Variants in COL11A1 observed in about 807,000 individuals in gnomAD.
The protein encoded by COL11A1 is collagen alpha-1(XI) chain.
Under a neutral mutation model 265.2 loss-of-function variants are expected in COL11A1, and 74 were observed. The ratio of observed to expected loss-of-function variants is 0.28; its 90% CI spans 0.23 to 0.34. The LOEUF (loss-of-function observed/expected upper bound fraction) is 0.34. COL11A1 is among the 10% of genes least tolerant of loss of function. The pLI, the probability that COL11A1 is intolerant of heterozygous loss-of-function variation, is 1.00. For synonymous variants in COL11A1, 816 were observed against 727.6 expected (o/e 1.12, Z -1.96); for missense variants, 2,165 against 2,263.6 (o/e 0.96, Z 0.88).
At chr1:102,892,056 T>C (rs1246592520) in intron 57 of COL11A1, among the ~76,000 whole-genome samples, 1 of 152,272 alleles carries the variant, frequency 6.6e-6, no homozygotes, top group Non-Finnish European at 1.5e-5. Context: ...ATGATTTATA[T>C]GTGACTTATG....
intron 28 of COL11A1, among the ~76,000 whole-genome samples, chr1:102,992,696 A>G (rs1284883809): frequency 1.3e-5 from 2 of 152,100 alleles, no homozygotes; most frequent in Admixed American, 6.6e-5. Flanking sequence ...ATAATAAAAC[A>G]TAATTTACTA....
chr1:102,969,841 T>C (rs1661786824), intron 37 of COL11A1, among the ~76,000 whole-genome samples: 2 of 152,170 alleles, frequency 1.3e-5, no homozygotes, highest in African/African-American at 4.8e-5. Flanking sequence ...TCGTAATCTG[T>C]TGCCTTTAGA....
intron 4 of COL11A1, among the ~76,000 whole-genome samples, chr1:103,043,949 G>T (rs749804567): frequency 2.0e-5 from 3 of 152,008 alleles, no homozygotes; most frequent in African/African-American, 4.8e-5. Flanking sequence ...ATAGCCCCTA[G>T]ACCCTAAAAC....
chr1:102,904,201 C>A (rs1045815322), intron 54 of COL11A1, among the ~76,000 whole-genome samples: 3 of 151,776 alleles, frequency 2.0e-5, no homozygotes, highest in Non-Finnish European at 4.4e-5. Context: ...ATATGGCTAG[C>A]CAGTTTTATA....
At chr1:103,090,571 C>T (rs1020859372) in intron 1 of COL11A1, among the ~76,000 whole-genome samples, 2 of 152,136 alleles carry the variant, frequency 1.3e-5, no homozygotes, top group Non-Finnish European at 2.9e-5. Context: ...AATCCAAATT[C>T]AGTAGTTATT....
At chr1:102,984,704 A>C (rs975935568) in intron 30 of COL11A1, among the ~76,000 whole-genome samples, 1 of 152,098 alleles carries the variant, frequency 6.6e-6, no homozygotes, top group African/African-American at 2.4e-5. Context: ...AGATATGCAA[A>C]GAAATTCAGA....
intron 21 of COL11A1, 149 bp downstream of exon 21, chr1:103,003,066 G>T (rs949346137): frequency 1.2e-6 from 1 of 827,394 alleles, no homozygotes; most frequent in Admixed American, 2.1e-5. Flanking sequence ...AGGAGGGAAT[G>T]ATGAGTTAAA....
intron 63 of COL11A1, among the ~76,000 whole-genome samples, chr1:102,885,687 A>G (rs1650877322): frequency 6.6e-6 from 1 of 152,026 alleles, no homozygotes; most frequent in Admixed American, 6.6e-5. Context: ...ACCACTGTAA[A>G]CCTTTGATAT....
At chr1:102,925,745 ATAAACT>A (rs954451422) in intron 46 of COL11A1, among the ~76,000 whole-genome samples, 33 of 152,114 alleles carry the variant, frequency 2.2e-4, no homozygotes, top group African/African-American at 7.2e-4. Flanking sequence ...GATGAAACAC[ATAAACT>A]TAAATTCTTA....
chr1:103,077,830 C>A (rs969718474), intron 3 of COL11A1, among the ~76,000 whole-genome samples: 2 of 152,010 alleles, frequency 1.3e-5, no homozygotes, highest in Non-Finnish European at 2.9e-5. Context: ...GTTCAAACCC[C>A]ATCTCTATCA....
intron 21 of COL11A1, 84 bp downstream of exon 21, chr1:103,003,131 T>C (rs1410109274): frequency 7.3e-7 from 1 of 1,379,006 alleles, no homozygotes; most frequent in East Asian, 2.3e-5. Context: ...AACTCTTGGC[T>C]CTCTACTGAG....
intron 1 of COL11A1, among the ~76,000 whole-genome samples, chr1:103,097,731 A>G (rs540839577): frequency 6.6e-6 from 1 of 152,034 alleles, no homozygotes; most frequent in African/African-American, 2.4e-5. Flanking sequence ...GAATTCAGGA[A>G]GAGCATTTAA....
At chr1:103,010,692 G>T (rs2101881587) in intron 14 of COL11A1, among the ~76,000 whole-genome samples, 1 of 151,598 alleles carries the variant, frequency 6.6e-6, no homozygotes, top group East Asian at 1.9e-4. Context: ...TCCTAGGACT[G>T]ATATTTGTAA....
intron 1 of COL11A1, among the ~76,000 whole-genome samples, chr1:103,098,308 T>C (rs1367742989): frequency 6.6e-6 from 1 of 151,958 alleles, no homozygotes; most frequent in African/African-American, 2.4e-5. Flanking sequence ...ATGAATAGCC[T>C]TTCACTCGAC....
intron 41 of COL11A1, among the ~76,000 whole-genome samples, chr1:102,951,672 G>A (rs1659895008): frequency 6.6e-6 from 1 of 152,044 alleles, no homozygotes; most frequent in African/African-American, 2.4e-5. Context: ...TCCGGGAGGT[G>A]GAGCTTGCAG....
chr1:102,989,596 A>G lies in COL11A1; in HGVS notation c.2341-25T>C, dbSNP rs779295008. On this transcript the variant is annotated intron_variant, in intron 28 of 66. Coordinates refer to ENST00000370096, the MANE Select transcript of COL11A1 (RefSeq NM_001854.4). ...CCTAAAACATTATAAAAGGAATTAA[A>G]TAGGAGTTTAATCAGTCCTTTGGAG... 19 of 1,559,912 alleles carry G rather than the reference A, an allele frequency of 1.2e-5. No homozygotes were observed. The South Asian group carries it at 2.1e-4, about 17-fold the overall frequency.
Position 103,005,819 on chromosome 1 carries a change from A to C in COL11A1, c.1845+19T>G, listed in dbSNP as rs959749432. On this transcript the variant is annotated intron_variant, in intron 18 of 66. Coordinates refer to ENST00000370096, the MANE Select transcript of COL11A1 (RefSeq NM_001854.4). ...ATTTTATAACATTCCCTGGAAAAAA[A>C]GGAATAGATGTATCTTACCCTGTGA... 6.2e-7 allele frequency: 1 copy of C among 1,612,678 alleles called. No homozygotes were observed. Among genetic ancestry groups the C allele is most frequent in the African/African-American group, 1.3e-5 (1 of 74,906 alleles).
intron 4 of COL11A1, among the ~76,000 whole-genome samples, chr1:103,046,993 G>T (rs1276402930): frequency 6.6e-6 from 1 of 152,152 alleles, no homozygotes; most frequent in Non-Finnish European, 1.5e-5. Context: ...GTACCATGTT[G>T]TTTTGGTTAC....
intron 5 of COL11A1, among the ~76,000 whole-genome samples, chr1:103,030,121 G>C (rs997905994): frequency 2.0e-5 from 3 of 151,936 alleles, no homozygotes; most frequent in Admixed American, 1.3e-4. Flanking sequence ...TGAATCATGA[G>C]AGAATAAAAA....
Sources: gnomAD v4.1 joint callset for allele counts (sites outside exome capture counted in the v4.1 genomes callset) on GRCh38, gnomAD v4.1.1 for gene constraint, MANE v1.5 for transcripts, NCBI Gene and HGNC (gene_info 2026-07-23, HGNC 2026-07-21) for gene names.